FAM222B: variants seen among roughly 807,000 people sequenced by gnomAD.
The protein encoded by FAM222B is protein FAM222B.
Under a neutral mutation model 38.0 loss-of-function variants are expected in FAM222B, and 12 were observed. The observed-to-expected ratio is 0.32, with a 90% CI of 0.20 to 0.51. The LOEUF (loss-of-function observed/expected upper bound fraction) is 0.51. Ranked by LOEUF, FAM222B falls within the 20% of genes least tolerant of loss-of-function variation. The pLI, the probability that FAM222B is intolerant of heterozygous loss-of-function variation, is 0.97. For synonymous variants in FAM222B, 329 were observed against 317.2 expected, an observed-to-expected ratio of 1.04 and a Z score of -0.40; for missense variants, 716 against 754.2, an observed-to-expected ratio of 0.95 and a Z score of 0.59.
chr17:28,780,707 C>A (rs2036130442), intron 1 of FAM222B, among the ~76,000 whole-genome samples: 1 of 151,938 alleles, frequency 6.6e-6, no homozygotes, highest in Non-Finnish European at 1.5e-5. Context: ...CATAGAGAAA[C>A]CCCATCTCTA....
intron 1 of FAM222B, among the ~76,000 whole-genome samples, chr17:28,767,703 T>C (rs564909595): frequency 3.9e-5 from 6 of 152,216 alleles, no homozygotes; most frequent in Admixed American, 3.3e-4. Context: ...CTCAAACTCC[T>C]GACCTCAGGT....
intron 1 of FAM222B, among the ~76,000 whole-genome samples, chr17:28,785,886 T>C (rs2036390305): frequency 6.6e-6 from 1 of 152,268 alleles, no homozygotes; most frequent in East Asian, 1.9e-4. Flanking sequence ...TTTTTTGTAT[T>C]TTTAGTAGAG....
upstream of FAM222B, among the ~76,000 whole-genome samples, chr17:28,846,944 C>T (rs1248959880): frequency 6.6e-6 from 1 of 151,982 alleles, no homozygotes; most frequent in Non-Finnish European, 1.5e-5. Context: ...AAAATTAGCG[C>T]TGGGCGTGGT....
At chr17:28,822,740 T>C (rs2038273575) in intron 1 of FAM222B, among the ~76,000 whole-genome samples, 1 of 135,696 alleles carries the variant, frequency 7.4e-6, no homozygotes, top group Admixed American at 8.2e-5. Flanking sequence ...GAGGTGGAGA[T>C]TGCACTGAGC....
At chr17:28,805,405 C>T (rs1232318472) in intron 1 of FAM222B, among the ~76,000 whole-genome samples, 4 of 152,042 alleles carry the variant, frequency 2.6e-5, no homozygotes, top group African/African-American at 7.2e-5. Context: ...TGTGGTGGTA[C>T]ATGCCTGTAA....
intron 1 of FAM222B, among the ~76,000 whole-genome samples, chr17:28,832,132 G>A (rs569530946): frequency 3.3e-5 from 5 of 152,220 alleles, no homozygotes; most frequent in African/African-American, 7.2e-5. Context: ...GGAGCTTGCC[G>A]TGAGCCGAGA....
intron 1 of FAM222B, among the ~76,000 whole-genome samples, chr17:28,824,776 C>T (rs565561162): frequency 2.0e-5 from 3 of 152,242 alleles, no homozygotes; most frequent in Admixed American, 2.0e-4. Flanking sequence ...CTTCCTTCTA[C>T]AACCCATTTC....
At chr17:28,764,777 A>T (rs1156917402) in intron 2 of FAM222B, among the ~76,000 whole-genome samples, 1 of 152,100 alleles carries the variant, frequency 6.6e-6, no homozygotes, top group Non-Finnish European at 1.5e-5. Context: ...AATAAAAATA[A>T]TAAAAGTGAA....
At chr17:28,811,422 AGAGCG>A (rs2037759169) in intron 1 of FAM222B, among the ~76,000 whole-genome samples, 1 of 152,204 alleles carries the variant, frequency 6.6e-6, no homozygotes, top group Non-Finnish European at 1.5e-5. Flanking sequence ...CCTGGGCAAC[AGAGCG>A]AGACTCGTCT....
chr17:28,833,007 A>AT (rs1430476565), intron 1 of FAM222B, among the ~76,000 whole-genome samples: 3 of 121,438 alleles, frequency 2.5e-5, no homozygotes, highest in Non-Finnish European at 3.5e-5. Context: ...CTCTGTCTCT[A>AT]TTAAAAAAAA....
rs192326934 is a variant in FAM222B at position 28,779,914 on chromosome 17, C to T, written c.-40-13207G>A. ...AGACTTCAGCTAACATCATACTCAA[C>T]GGTGGACAGCTGAATGCTTTTCCTC... On this transcript the variant is annotated intron_variant, in intron 1 of 2. Coordinates refer to ENST00000581407, the MANE Select transcript of FAM222B (RefSeq NM_001077498.3). Among the ~76,000 whole-genome samples, 30 of 151,886 alleles carry T rather than the reference C, an allele frequency of 2.0e-4. No homozygotes were observed. In the East Asian group the frequency reaches 5.6e-3, roughly 28 times the overall value.
At chr17:28,828,574 A>AC (rs2038529679) in intron 1 of FAM222B, among the ~76,000 whole-genome samples, 2 of 151,888 alleles carry the variant, frequency 1.3e-5, no homozygotes, top group Non-Finnish European at 2.9e-5. Context: ...TCACGAAAAA[A>AC]AAAAAACAAA....
chr17:28,852,646 T>C (rs1188493592), intron 1 of FAM222B, among the ~76,000 whole-genome samples: 1 of 151,796 alleles, frequency 6.6e-6, no homozygotes, highest in East Asian at 1.9e-4. Context: ...AGAATAAAAT[T>C]TTCCTCTTAA....
chr17:28,838,059 A>G (rs1442261093), intron 1 of FAM222B, among the ~76,000 whole-genome samples: 3 of 151,700 alleles, frequency 2.0e-5, no homozygotes, highest in Non-Finnish European at 2.9e-5. Flanking sequence ...TGAGGTCAGG[A>G]GTTCGAGACC....
At chr17:28,846,643 G>T (rs1243125906), upstream of FAM222B, among the ~76,000 whole-genome samples, 2 of 151,898 alleles carry the variant, frequency 1.3e-5, no homozygotes, top group African/African-American at 4.8e-5. Context: ...CAGCCTAGGG[G>T]AGCCAGACTC....
At chr17:28,813,966 TTGGGA>T (rs2037916025) in intron 1 of FAM222B, among the ~76,000 whole-genome samples, 2 of 151,832 alleles carry the variant, frequency 1.3e-5, no homozygotes, top group Non-Finnish European at 2.9e-5. Flanking sequence ...TCCCAGCACT[TTGGGA>T]GGCCAACGTG....
intron 1 of FAM222B, chr17:28,849,035 G>C (rs1186144319): frequency 6.6e-6 from 1 of 152,034 alleles, no homozygotes; most frequent in Non-Finnish European, 1.5e-5. Context: ...GCCGAGGCGG[G>C]AGGATCACGA....
chr17:28,760,765 T>C (rs761658816), intron 2 of FAM222B, among the ~76,000 whole-genome samples: 1 of 152,162 alleles, frequency 6.6e-6, no homozygotes, highest in African/African-American at 2.4e-5. Flanking sequence ...CCCTTGCATC[T>C]TGGCAGCTGG....
intron 1 of FAM222B, among the ~76,000 whole-genome samples, chr17:28,779,474 G>C (rs960082010): frequency 6.6e-6 from 1 of 152,032 alleles, no homozygotes; most frequent in Non-Finnish European, 1.5e-5. Flanking sequence ...CTGACAGGCC[G>C]GGCGCGGTGG....
Sources: gnomAD v4.1 joint callset for allele counts (sites outside exome capture counted in the v4.1 genomes callset) on GRCh38, gnomAD v4.1.1 for gene constraint, MANE v1.5 for transcripts, NCBI Gene and HGNC (gene_info 2026-07-23, HGNC 2026-07-21) for gene names.